The following KLF12 variants were observed in gnomAD, a reference collection of about 807,000 sequenced individuals.
The protein encoded by KLF12 is Krueppel-like factor 12.
In KLF12, 9 loss-of-function variants were observed where a neutral mutation model predicts 37.8. The observed-to-expected ratio is 0.24, with a 90% CI of 0.14 to 0.42. The LOEUF is 0.42. KLF12 is among the 10% of genes least tolerant of loss of function. KLF12 has a pLI of 1.00. For missense variants in KLF12, 411 were observed against 516.0 expected (o/e 0.80, Z 1.97); for synonymous variants, 208 against 202.1 (o/e 1.03, Z -0.25).
intron 1 of KLF12, among the ~76,000 whole-genome samples, chr13:74,096,831 G>C (rs1876012799): frequency 6.6e-6 from 1 of 152,174 alleles, no homozygotes; most frequent in Non-Finnish European, 1.5e-5. Flanking sequence ...AGAATTAACA[G>C]AATAAATGCC....
intron 5 of KLF12, among the ~76,000 whole-genome samples, chr13:73,811,235 T>C (rs1227264724): frequency 6.6e-6 from 1 of 151,880 alleles, no homozygotes; most frequent in African/African-American, 2.4e-5. Flanking sequence ...CAGCCCACCT[T>C]GGTCTCCCAA....
intron 1 of KLF12, among the ~76,000 whole-genome samples, chr13:74,010,701 G>A (rs1048290517): frequency 5.3e-5 from 8 of 152,048 alleles, no homozygotes; most frequent in East Asian, 1.9e-4. Flanking sequence ...GAAGCTGCTC[G>A]TGTCTAACAA....
intron 6 of KLF12, among the ~76,000 whole-genome samples, chr13:73,757,102 T>C (rs1259403434): frequency 1.3e-5 from 2 of 152,138 alleles, no homozygotes; most frequent in Admixed American, 6.6e-5. Context: ...CACAATCCTA[T>C]GCATGTAACA....
chr13:74,243,432 T>C, the KLF12 span, among the ~76,000 whole-genome samples: 1 of 152,198 alleles, frequency 6.6e-6, no homozygotes, highest in African/African-American at 2.4e-5. Flanking sequence ...CATGTGTCTT[T>C]ATAGTAGGAT....
chr13:74,040,732 T>C (rs540087064), intron 1 of KLF12, among the ~76,000 whole-genome samples: 2 of 152,298 alleles, frequency 1.3e-5, no homozygotes, highest in South Asian at 4.1e-4. Context: ...ACATATAATA[T>C]AGTCATACAA....
intron 1 of KLF12, among the ~76,000 whole-genome samples, chr13:74,072,050 C>T (rs959049431): frequency 4.6e-5 from 7 of 151,934 alleles, no homozygotes; most frequent in African/African-American, 1.7e-4. Context: ...AGTATCCAAA[C>T]CTCCTTATGA....
chr13:73,856,450 T>C (rs927844798), intron 3 of KLF12, among the ~76,000 whole-genome samples: 2 of 152,136 alleles, frequency 1.3e-5, no homozygotes, highest in Non-Finnish European at 2.9e-5. Context: ...GTCTCAAAAG[T>C]CTTAAAATAC....
the KLF12 span, among the ~76,000 whole-genome samples, chr13:74,144,248 A>G: frequency 1.3e-5 from 2 of 152,348 alleles, no homozygotes; most frequent in South Asian, 4.1e-4. Context: ...TACAATTACA[A>G]GGATTTTGCA....
intron 1 of KLF12, among the ~76,000 whole-genome samples, chr13:74,073,652 C>T (rs952888718): frequency 6.6e-6 from 1 of 152,140 alleles, no homozygotes; most frequent in African/African-American, 2.4e-5. Context: ...CACCAACACA[C>T]ATGTCCACAA....
chr13:74,186,753 T>C, the KLF12 span, among the ~76,000 whole-genome samples: 5 of 152,244 alleles, frequency 3.3e-5, no homozygotes, highest in African/African-American at 1.2e-4. Flanking sequence ...GCTTGCTATG[T>C]GCCAGTTATG....
the KLF12 span, among the ~76,000 whole-genome samples, chr13:74,153,732 G>A: frequency 2.0e-5 from 3 of 152,126 alleles, no homozygotes; most frequent in African/African-American, 2.4e-5. Flanking sequence ...GGATTTACCC[G>A]TGAAAGTCAA....
chr13:74,206,396 CA>C, the KLF12 span, among the ~76,000 whole-genome samples: 3 of 152,130 alleles, frequency 2.0e-5, no homozygotes, highest in Non-Finnish European at 4.4e-5. Flanking sequence ...TATTCAACAA[CA>C]GACTCATTCA....
At chr13:73,864,195 A>G (rs577598813) in intron 3 of KLF12, among the ~76,000 whole-genome samples, 2 of 152,036 alleles carry the variant, frequency 1.3e-5, no homozygotes, top group South Asian at 4.1e-4. Context: ...TTAAGTAATT[A>G]CTCCCTAATT....
intron 6 of KLF12, among the ~76,000 whole-genome samples, chr13:73,715,876 C>T (rs552431131): frequency 1.6e-4 from 25 of 152,168 alleles, no homozygotes; most frequent in African/African-American, 5.8e-4. Context: ...TTCTGAATAT[C>T]CTGATAGAGA....
intron 6 of KLF12, among the ~76,000 whole-genome samples, chr13:73,716,537 T>G (rs149104446): frequency 3.8e-4 from 58 of 152,280 alleles, no homozygotes; most frequent in African/African-American, 1.1e-3. Context: ...AAAGATCAAT[T>G]CCCCCCTTGT....
chr13:73,977,980 T>C (rs1891583880), intron 2 of KLF12, among the ~76,000 whole-genome samples: 1 of 152,062 alleles, frequency 6.6e-6, no homozygotes, highest in South Asian at 2.1e-4. Flanking sequence ...TCCAAACAGA[T>C]CACAGACCTA....
the KLF12 span, among the ~76,000 whole-genome samples, chr13:74,179,049 G>A: frequency 2.0e-5 from 3 of 152,220 alleles, no homozygotes; most frequent in African/African-American, 7.2e-5. Flanking sequence ...CTATGTCCAT[G>A]TGCTGTGAAC....
chr13:73,973,251 G>A (rs979825483), intron 2 of KLF12, among the ~76,000 whole-genome samples: 17 of 152,152 alleles, frequency 1.1e-4, no homozygotes, highest in Admixed American at 5.2e-4. Flanking sequence ...ATAAAAATCT[G>A]TGCAATAGGG....
the KLF12 span, among the ~76,000 whole-genome samples, chr13:74,188,867 C>A: frequency 5.3e-4 from 81 of 152,026 alleles, no homozygotes; most frequent in African/African-American, 1.9e-3. Flanking sequence ...CGTGGTGGTG[C>A]GCGCCTGTAA....
Sources: allele counts gnomAD v4.1 joint callset (sites outside exome capture counted in the v4.1 genomes callset), GRCh38; gene constraint gnomAD v4.1.1; transcripts MANE v1.5; gene names NCBI Gene and HGNC (gene_info 2026-07-23, HGNC 2026-07-21).